The following PDGFA variants were observed in gnomAD, a reference collection of about 807,000 sequenced individuals.
The protein encoded by PDGFA is platelet derived growth factor subunit A.
In PDGFA, 9 loss-of-function variants were observed where a neutral mutation model predicts 25.6. That is an observed-to-expected ratio of 0.35 (90% CI 0.21 to 0.61). PDGFA has a LOEUF of 0.61. Among genes scored for constraint, PDGFA ranks in the 20% least tolerant of loss-of-function variants. PDGFA has a pLI of 0.75. For synonymous variants in PDGFA, 133 were observed against 111.8 expected, an observed-to-expected ratio of 1.19 and a Z score of -1.20; for missense variants, 242 against 272.8, an observed-to-expected ratio of 0.89 and a Z score of 0.79.
rs1421184521 is a variant in PDGFA, at chr7:505,078, CCT to C, written c.454-3838_454-3837del. Among the ~76,000 whole-genome samples, 5 of 152,354 alleles carry C rather than the reference CCT, an allele frequency of 3.3e-5. No homozygotes were observed. The East Asian group carries it at 7.7e-4, about 24-fold the overall frequency. ...GCCAGGATTCCGGGCCGTTCCGCCA[CCT>C]CTGTCTGGCCAGGAAATAGCTACAT... On this transcript the variant is annotated intron_variant, in intron 4 of 5. Coordinates refer to ENST00000402802, the Ensembl canonical transcript of PDGFA.
chr7:510,814 C>A, exon 4 of PDGFA: 1 of 1,557,994 alleles, frequency 6.4e-7, no homozygotes, highest in East Asian at 2.4e-5. Context: ...CTCACCTTGA[C>A]GCTGCGGTGG....
At chr7:501,306 TGGGAGCCG>T in intron 4 of PDGFA, 64 bp from the exon 5 acceptor site, 1 of 1,602,960 alleles carries the variant, frequency 6.2e-7, no homozygotes, top group Non-Finnish European at 8.5e-7. Flanking sequence ...CACGACGTGC[TGGGAGCCG>T]GGGACAGGCT....
intron 1 of PDGFA, among the ~76,000 whole-genome samples, chr7:518,167 G>C (rs1466750523): frequency 4.6e-5 from 7 of 152,158 alleles, no homozygotes; most frequent in Non-Finnish European, 1.0e-4. Context: ...CTTCCACCTC[G>C]CGCAGCTCTC....
At chr7:504,126 C>T (rs1376997960) in intron 4 of PDGFA, among the ~76,000 whole-genome samples, 3 of 152,148 alleles carry the variant, frequency 2.0e-5, no homozygotes, top group East Asian at 1.9e-4. Flanking sequence ...GCCCCAGAAA[C>T]GAGGACAAAG....
At chr7:516,234 A>G (rs1283956605) in intron 2 of PDGFA, among the ~76,000 whole-genome samples, 1 of 137,142 alleles carries the variant, frequency 7.3e-6, no homozygotes, top group Non-Finnish European at 1.5e-5. Context: ...GATAAGGATC[A>G]GCCCAGGGAT....
chr7:509,977 G>A (rs1782727098), intron 4 of PDGFA, among the ~76,000 whole-genome samples: 1 of 152,074 alleles, frequency 6.6e-6, no homozygotes, highest in Admixed American at 6.5e-5. Context: ...CTTTAGGGGG[G>A]AAGCCGGGGG....
At chr7:511,597 A>G (rs1275498198) in intron 3 of PDGFA, among the ~76,000 whole-genome samples, 6 of 152,170 alleles carry the variant, frequency 3.9e-5, no homozygotes, top group African/African-American at 9.7e-5. Context: ...GGTGGAAGAT[A>G]CAAAATCCAT....
In PDGFA at chr7:500,495, C is replaced by T. The variant is rs757641823; in HGVS notation, c.580+621G>A. The T allele has an allele frequency of 1.5e-5, 24 of 1,614,026 alleles. No individual in the cohort carries two copies. Among genetic ancestry groups the T allele is most frequent in the Non-Finnish European group, 2.0e-5 (24 of 1,180,008 alleles). ...TCCGTTTTTTACCTGACTCCCTAGG[C>T]CTTCCTGTTAACAAAAGGGCAGGGC... On this transcript the variant is annotated intron_variant, in intron 5 of 5. Transcript: ENST00000402802. This position sits in a 1 kb window ranked among gnomAD's most constrained non-coding sequence, Gnocchi z 5.0.
intron 5 of PDGFA, among the ~76,000 whole-genome samples, chr7:499,041 C>G (rs1476783394): frequency 6.6e-6 from 1 of 152,228 alleles, no homozygotes; most frequent in Non-Finnish European, 1.5e-5. Flanking sequence ...TCTTCCACAT[C>G]CCATGTGGCC....
At chr7:508,870 C>T (rs1562488495) in intron 4 of PDGFA, among the ~76,000 whole-genome samples, 1 of 152,220 alleles carries the variant, frequency 6.6e-6, no homozygotes, top group African/African-American at 2.4e-5. Context: ...ATCCCGAAAA[C>T]GGGAGACTGA....
At chr7:505,726 G>A (rs566115094) in intron 4 of PDGFA, among the ~76,000 whole-genome samples, 6 of 152,246 alleles carry the variant, frequency 3.9e-5, no homozygotes, top group African/African-American at 1.2e-4. Flanking sequence ...GTCACACAGC[G>A]TTGAATCTCC....
At chr7:507,621 C>T (rs928719441) in intron 4 of PDGFA, among the ~76,000 whole-genome samples, 1 of 152,232 alleles carries the variant, frequency 6.6e-6, no homozygotes, top group Non-Finnish European at 1.5e-5. Flanking sequence ...CCCGTACCTC[C>T]AAGCCTCCCC....
chr7:512,514 T>C, intron 2 of PDGFA, 59 bp from the exon 3 acceptor site: 1 of 1,609,724 alleles, frequency 6.2e-7, no homozygotes, highest in Non-Finnish European at 8.5e-7. Context: ...GCCCTGGGCC[T>C]GTCCAGCCGC....
intron 4 of PDGFA, among the ~76,000 whole-genome samples, chr7:501,462 G>A (rs138867682): frequency 3.2e-4 from 48 of 152,292 alleles, no homozygotes; most frequent in South Asian, 1.5e-3. Flanking sequence ...TTTTTTCTGA[G>A]TAGGGTCTCA....
In PDGFA at chr7:499,848, T is replaced by C. The variant is rs577643986; in HGVS notation, c.580+1268A>G. Among the ~76,000 whole-genome samples, 5 of 151,696 alleles carry C rather than the reference T, an allele frequency of 3.3e-5. 1 individual carries two copies. The highest frequency in any genetic ancestry group is 9.7e-5 in the African/African-American group (4 of 41,302). ...CACTAGCCAGACAGAAGGCGGACACTGATGATACCTCAAGACTACCCTCCC... is the reference window on the plus strand; with the variant it reads ...CACTAGCCAGACAGAAGGCGGACACCGATGATACCTCAAGACTACCCTCCC... On this transcript the variant is annotated intron_variant, in intron 5 of 5. Coordinates refer to ENST00000402802, the Ensembl canonical transcript of PDGFA.
At chr7:519,774 C>A (rs1298220323), upstream of PDGFA, among the ~76,000 whole-genome samples, 3 of 148,388 alleles carry the variant, frequency 2.0e-5, no homozygotes, top group Non-Finnish European at 4.5e-5. Context: ...CAGCCGCCGC[C>A]GGGAGAGGAG....
At chr7:504,233 A>C (rs112175357) in intron 4 of PDGFA, among the ~76,000 whole-genome samples, 7,003 of 151,266 alleles carry the variant, frequency 0.046, 265 homozygotes, top group African/African-American at 0.1. Context: ...CAGTACCACC[A>C]CCCACCCACC....
At chr7:519,993 A>G (rs1385028704), upstream of PDGFA, 4 of 355,438 alleles carry the variant, frequency 1.1e-5, no homozygotes, top group African/African-American at 1.0e-4. Context: ...CGGACCCGGC[A>G]GGGCCCGGGC....
chr7:519,626 G>GCTCCGCC (rs1159960631), upstream of PDGFA, among the ~76,000 whole-genome samples: 1 of 145,514 alleles, frequency 6.9e-6, no homozygotes, highest in Non-Finnish European at 1.5e-5. Context: ...CCGGCGCCGC[G>GCTCCGCC]CTCCGCCCTC....
Sources: allele counts gnomAD v4.1 joint callset (sites outside exome capture counted in the v4.1 genomes callset), GRCh38; gene constraint gnomAD v4.1.1; non-coding constraint Gnocchi (gnomAD v3.1); transcripts MANE v1.5; gene names NCBI Gene and HGNC (gene_info 2026-07-23, HGNC 2026-07-21).